The following TLE4 variants were observed in gnomAD, a reference collection of about 807,000 sequenced individuals.
TLE4 encodes transducin-like enhancer protein 4.
A neutral mutation model predicts 92.8 loss-of-function variants in TLE4; 8 were observed. That is an observed-to-expected ratio of 0.09 (90% CI 0.05 to 0.16). The LOEUF is 0.16. TLE4 is among the 10% of genes least tolerant of loss of function. The pLI is 1.00. For missense variants in TLE4, 675 were observed against 997.6 expected (o/e 0.68, Z 4.36); for synonymous variants, 371 against 374.1 (o/e 0.99, Z 0.10).
chr9:79,722,381 G>A (rs575025551), intron 17 of TLE4, 70 bp from the exon 18 acceptor site: 2 of 1,548,854 alleles, frequency 1.3e-6, no homozygotes, highest in Non-Finnish European at 1.8e-6. Context: ...CTACAGAAGA[G>A]ATAGTACCTC....
chr9:79,661,276 A>G (rs2060497426), intron 8 of TLE4, among the ~76,000 whole-genome samples: 1 of 152,212 alleles, frequency 6.6e-6, no homozygotes, highest in African/African-American at 2.4e-5. Context: ...GAAAAATTAT[A>G]AAATCACTCA....
intron 8 of TLE4, among the ~76,000 whole-genome samples, chr9:79,663,142 C>A (rs1328039243): frequency 1.3e-5 from 2 of 152,120 alleles, no homozygotes; most frequent in Admixed American, 1.3e-4. Flanking sequence ...GATTGGGACT[C>A]GCACAGCTAG....
intron 7 of TLE4, chr9:79,653,058 A>T (rs1004834647): frequency 2.2e-5 from 11 of 500,258 alleles, no homozygotes; most frequent in Non-Finnish European, 4.2e-5. Context: ...TATGTTCCCC[A>T]GGTCTAAATC....
intron 8 of TLE4, among the ~76,000 whole-genome samples, chr9:79,702,759 A>C (rs1477531487): frequency 6.6e-6 from 1 of 152,052 alleles, no homozygotes; most frequent in Non-Finnish European, 1.5e-5. Flanking sequence ...GTGGGCACCC[A>C]CTCACTGGTC....
At chr9:79,592,507 C>G (rs921428232) in intron 4 of TLE4, among the ~76,000 whole-genome samples, 11 of 152,016 alleles carry the variant, frequency 7.2e-5, no homozygotes, top group Admixed American at 1.3e-4. Context: ...AACTTCTGAG[C>G]TCAAGCCACA....
chr9:79,640,384 C>T (rs978213248), intron 6 of TLE4, among the ~76,000 whole-genome samples: 4 of 152,068 alleles, frequency 2.6e-5, no homozygotes, highest in South Asian at 2.1e-4. Context: ...CATGATATTA[C>T]TAGTTTTCTT....
chr9:79,715,107 GGTT>G (rs1490899930), intron 14 of TLE4, among the ~76,000 whole-genome samples: 1 of 152,142 alleles, frequency 6.6e-6, no homozygotes, highest in African/African-American at 2.4e-5. Context: ...CTCACAGAGT[GGTT>G]GTTGTTGAGG....
chr9:79,706,007 C>A, intron 10 of TLE4, 65 bp downstream of exon 10: 1 of 1,387,896 alleles, frequency 7.2e-7, no homozygotes, highest in South Asian at 1.2e-5. Flanking sequence ...GTTGCCCAAA[C>A]AATTAGTATC....
chr9:79,590,825 T>G (rs1217709059), intron 4 of TLE4, among the ~76,000 whole-genome samples: 2 of 152,214 alleles, frequency 1.3e-5, no homozygotes, highest in African/African-American at 4.8e-5. Flanking sequence ...ATTAACTTTC[T>G]AAACTGAAAT....
intron 8 of TLE4, among the ~76,000 whole-genome samples, chr9:79,675,161 C>A (rs538800245): frequency 2.0e-5 from 3 of 152,286 alleles, no homozygotes; most frequent in South Asian, 4.1e-4. Context: ...CAAGCACTTA[C>A]ACTTGCAATG....
rs757551364 is a variant in TLE4 at position 79,726,027 on chromosome 9, T to C, written c.*883T>C. The C allele has an allele frequency of 1.8e-4, 27 of 152,590 alleles. No individual in the cohort carries two copies. The highest frequency in any genetic ancestry group is 3.5e-4 in the Non-Finnish European group (24 of 68,046). The allele number at this position is 152,590 out of a possible 1,614,324, so 9.5% of individuals were successfully genotyped here. A position where few individuals can be genotyped will look rare whatever the true frequency, so the allele number is the denominator to read the frequency against. On this transcript the variant is annotated 3_prime_UTR_variant, in exon 20 of 20. Transcript: ENST00000376552. ...AGTCAGTTTTGTTGTTATGAGAAAT[T>C]ATGGGTTATTTTGTGGCATGCTCTT... is the stretch of plus-strand genomic sequence containing the variant.
chr9:79,582,050 T>G (rs2132043876), intron 4 of TLE4, among the ~76,000 whole-genome samples: 1 of 152,272 alleles, frequency 6.6e-6, no homozygotes, highest in African/African-American at 2.4e-5. Flanking sequence ...CTCTTTAACT[T>G]TTATCTTTTC....
chr9:79,621,249 AATTTG>A (rs2050891574), intron 5 of TLE4, among the ~76,000 whole-genome samples: 1 of 152,198 alleles, frequency 6.6e-6, no homozygotes, highest in African/African-American at 2.4e-5. Flanking sequence ...CTTTCACTTG[AATTTG>A]ATCTGCTTGG....
chr9:79,691,652 C>T (rs1205373330), intron 8 of TLE4, among the ~76,000 whole-genome samples: 4 of 152,136 alleles, frequency 2.6e-5, no homozygotes, highest in Non-Finnish European at 5.9e-5. Flanking sequence ...GTGCCATTGC[C>T]AGCTTTCCGC....
intron 4 of TLE4, among the ~76,000 whole-genome samples, chr9:79,584,956 T>C (rs2040682059): frequency 6.6e-6 from 1 of 152,210 alleles, no homozygotes. Context: ...AGTGTTTATC[T>C]GAATAATTCT....
At position 79,720,036 on chromosome 9, in the gene TLE4, G is replaced by T; in HGVS notation, c.1591-10G>T. 6.3e-7 allele frequency: 1 copy of T among 1,586,462 alleles called. No homozygotes were observed. Among genetic ancestry groups the T allele is most frequent in the African/African-American group, 1.3e-5 (1 of 74,130 alleles). On this transcript the variant is annotated splice_polypyrimidine_tract_variant and intron_variant, in intron 15 of 19. Transcript: ENST00000376552. ...CATGAGTAATCTCTTGATGGTTTTT[G>T]TCTCTACAGAACAGGGATAACTACA... is the stretch of plus-strand genomic sequence containing the variant.
chr9:79,682,452 C>T (rs1030580183), intron 8 of TLE4, among the ~76,000 whole-genome samples: 1 of 152,116 alleles, frequency 6.6e-6, no homozygotes, highest in Non-Finnish European at 1.5e-5. Context: ...TGTGTGCTTA[C>T]CTTATCTCTA....
rs57129541 is a variant in TLE4, at chr9:79,631,616, ATGTGTGTGTG to A, written c.390+4206_390+4215del. 3.8e-3 allele frequency among the ~76,000 whole-genome samples: 451 copies of A among 118,228 alleles called. 2 individuals are homozygous for A. The highest frequency in any genetic ancestry group is 7.0e-3 in the African/African-American group (227 of 32,524). 77.6% of individuals were successfully genotyped at this position (118,228 alleles called of 152,430 possible). On this transcript the variant is annotated intron_variant, in intron 6 of 19. Coordinates refer to ENST00000376552, the MANE Select transcript of TLE4 (RefSeq NM_007005.6). ...TCCTTGTCATATGATTGAACCTTAA[ATGTGTGTGTG>A]TGTGTGTGTGTGTGTGTGTGTGTGT...
chr9:79,695,353 A>T (rs2068001667), intron 8 of TLE4, among the ~76,000 whole-genome samples: 1 of 143,244 alleles, frequency 7.0e-6, no homozygotes, highest in Admixed American at 6.8e-5. Flanking sequence ...TGCATATCTC[A>T]CACACACACA....
Sources: gnomAD v4.1 joint callset for allele counts (sites outside exome capture counted in the v4.1 genomes callset) on GRCh38, gnomAD v4.1.1 for gene constraint, MANE v1.5 for transcripts, NCBI Gene and HGNC (gene_info 2026-07-23, HGNC 2026-07-21) for gene names.